The following SLC30A9 variants were observed in gnomAD, a reference collection of about 807,000 sequenced individuals.
SLC30A9 encodes the protein solute carrier family 30 member 9.
In SLC30A9, 58 loss-of-function variants were observed where a neutral mutation model predicts 87.5. The observed-to-expected ratio is 0.66, with a 90% confidence interval of 0.54 to 0.82. The LOEUF (loss-of-function observed/expected upper bound fraction) is 0.82, where lower values mean the gene tolerates loss of function less well. SLC30A9 is among the 40% of genes least tolerant of loss of function. The pLI, the probability that SLC30A9 is intolerant of heterozygous loss-of-function variation, is 0.00. For synonymous variants in SLC30A9, 234 were observed against 233.0 expected, an observed-to-expected ratio of 1.00 and a Z score of -0.04; for missense variants, 557 against 679.1, an observed-to-expected ratio of 0.82 and a Z score of 2.00.
At position 42,029,654 on chromosome 4, in the gene SLC30A9, A is replaced by G. The variant is rs199590968; in HGVS notation, c.611-5621A>G. On this transcript the variant is annotated intron_variant, in intron 6 of 17. Transcript: ENST00000264451. ...TTTAATCAAGAATGAGGTGAGCGAA[A>G]GTCTGCAGATTCAAGCTTGAGTGGC... 10 of 748,890 alleles carry G rather than the reference A, an allele frequency of 1.3e-5. No homozygotes were observed. In the East Asian group the frequency reaches 1.5e-4, roughly 11 times the overall value. The allele number at this position is 748,890 out of a possible 1,614,324, so 46.4% of individuals were successfully genotyped here.
At chr4:42,037,669 T>C (rs1481884432) in intron 7 of SLC30A9, among the ~76,000 whole-genome samples, 3 of 152,222 alleles carry the variant, frequency 2.0e-5, no homozygotes, top group East Asian at 1.9e-4. Context: ...CTCAAAGATA[T>C]ATAAAAATAG....
chr4:42,025,494 G>T (rs1170855970), intron 6 of SLC30A9, among the ~76,000 whole-genome samples: 2 of 152,110 alleles, frequency 1.3e-5, no homozygotes, highest in Non-Finnish European at 2.9e-5. Context: ...GAGTATATTT[G>T]TGTGACCTGG....
intron 17 of SLC30A9, among the ~76,000 whole-genome samples, chr4:42,083,424 T>C (rs1234398675): frequency 6.6e-6 from 1 of 152,226 alleles, no homozygotes; most frequent in Non-Finnish European, 1.5e-5. Context: ...TCAATAAATA[T>C]TAGTTTCTAC....
chr4:42,046,866 G>A (rs34604840), intron 8 of SLC30A9, among the ~76,000 whole-genome samples: 1,631 of 152,266 alleles, frequency 0.011, 12 homozygotes, highest in Middle Eastern at 0.017. Flanking sequence ...AAACAGCATG[G>A]TACTGGTACC....
chr4:42,032,788 C>T (rs1184948884), intron 6 of SLC30A9, among the ~76,000 whole-genome samples: 3 of 152,196 alleles, frequency 2.0e-5, no homozygotes, highest in African/African-American at 7.2e-5. Context: ...AGTATCATGG[C>T]GTCCTTACTT....
intron 1 of SLC30A9, among the ~76,000 whole-genome samples, chr4:42,001,034 T>C (rs375704182): frequency 6.6e-6 from 1 of 152,074 alleles, no homozygotes; most frequent in Non-Finnish European, 1.5e-5. Flanking sequence ...CCTTCAAAGC[T>C]CACAGTCAAC....
chr4:42,041,387 C>T (rs1450742575), intron 8 of SLC30A9, among the ~76,000 whole-genome samples: 4 of 152,058 alleles, frequency 2.6e-5, no homozygotes, highest in Non-Finnish European at 1.5e-5. Context: ...CAGGTTCAAG[C>T]GATTCTCCTT....
chr4:42,015,903 T>C (rs1210032701), intron 2 of SLC30A9, among the ~76,000 whole-genome samples: 2 of 152,020 alleles, frequency 1.3e-5, no homozygotes, highest in African/African-American at 4.8e-5. Context: ...AAATTAAATA[T>C]TGTTCTAAAC....
intron 9 of SLC30A9, among the ~76,000 whole-genome samples, chr4:42,058,288 C>T (rs1717706376): frequency 6.6e-6 from 1 of 152,148 alleles, no homozygotes; most frequent in African/African-American, 2.4e-5. Flanking sequence ...CAAGAGTCAC[C>T]TTTGCCCCAG....
At chr4:42,030,819 C>A (rs1321869588) in intron 6 of SLC30A9, among the ~76,000 whole-genome samples, 1 of 152,198 alleles carries the variant, frequency 6.6e-6, no homozygotes, top group Non-Finnish European at 1.5e-5. Flanking sequence ...GTCTTGACAT[C>A]TCTTCCCTTG....
chr4:42,016,077 A>T (rs1715707963), intron 2 of SLC30A9, among the ~76,000 whole-genome samples: 1 of 152,168 alleles, frequency 6.6e-6, no homozygotes, highest in Admixed American at 6.5e-5. Flanking sequence ...GGGGGAAGTT[A>T]TAATAATCTC....
intron 6 of SLC30A9, among the ~76,000 whole-genome samples, chr4:42,024,248 G>A (rs545250475): frequency 6.6e-6 from 1 of 152,308 alleles, no homozygotes; most frequent in South Asian, 2.1e-4. Flanking sequence ...CTACTTGCCT[G>A]TAATCCCAGC....
chr4:42,015,914 A>G (rs1715701176), intron 2 of SLC30A9, among the ~76,000 whole-genome samples: 1 of 152,152 alleles, frequency 6.6e-6, no homozygotes, highest in African/African-American at 2.4e-5. Context: ...TGTTCTAAAC[A>G]CAGGCAATAC....
intron 9 of SLC30A9, among the ~76,000 whole-genome samples, chr4:42,052,629 T>C (rs1170761843): frequency 6.6e-6 from 1 of 152,176 alleles, no homozygotes; most frequent in Admixed American, 6.5e-5. Context: ...TCAAAGCAAT[T>C]GAGTGAGGAA....
At chr4:41,993,868 A>G (rs1240446698) in intron 1 of SLC30A9, among the ~76,000 whole-genome samples, 1 of 152,146 alleles carries the variant, frequency 6.6e-6, no homozygotes, top group Non-Finnish European at 1.5e-5. Context: ...AAAAAATTAT[A>G]ATTCAGGGCT....
intron 11 of SLC30A9, among the ~76,000 whole-genome samples, 164 bp from the exon 12 acceptor site, chr4:42,065,146 C>T (rs181907125): frequency 9.2e-4 from 140 of 152,256 alleles, no homozygotes; most frequent in Non-Finnish European, 1.4e-3. Context: ...ATATTGTATT[C>T]ATATCTCATT....
Position 41,990,874 on chromosome 4 carries a change from C to T in SLC30A9, c.109+114C>T. 5 of 752,430 alleles carry T rather than the reference C, an allele frequency of 6.6e-6. No individual in the cohort carries two copies. The South Asian group carries it at 7.7e-5, about 12-fold the overall frequency. 46.6% of individuals were successfully genotyped at this position (752,430 alleles called of 1,614,324 possible). A position where few individuals can be genotyped will look rare whatever the true frequency, so the allele number is the denominator to read the frequency against. ...ACTTGCCTTTCGCCAACCTCAGAAC[C>T]TTCCTTTCTGGCCTCCGCCTTTCCA... On this transcript the variant is annotated intron_variant, in intron 1 of 17. Transcript: ENST00000264451.
chr4:42,007,854 G>T (rs1330461484), intron 2 of SLC30A9, among the ~76,000 whole-genome samples: 2 of 152,136 alleles, frequency 1.3e-5, no homozygotes, highest in Non-Finnish European at 2.9e-5. Context: ...TTCTCCCTGG[G>T]ATCTCTGCTT....
chr4:42,058,105 A>G (rs1284843649), intron 9 of SLC30A9, among the ~76,000 whole-genome samples: 1 of 151,292 alleles, frequency 6.6e-6, no homozygotes, highest in Non-Finnish European at 1.5e-5. Flanking sequence ...TGTCTCAAAA[A>G]AAAAAAAAAA....
Sources: allele counts gnomAD v4.1 joint callset (sites outside exome capture counted in the v4.1 genomes callset), GRCh38; gene constraint gnomAD v4.1.1; transcripts MANE v1.5; gene names NCBI Gene and HGNC (gene_info 2026-07-23, HGNC 2026-07-21).